AGBL1: variants seen among roughly 807,000 people sequenced by gnomAD.
The protein encoded by AGBL1 is AGBL carboxypeptidase 1.
A neutral mutation model predicts 118.9 loss-of-function variants in AGBL1; 130 were observed. The ratio of observed to expected loss-of-function variants is 1.09; its 90% CI spans 0.95 to 1.26. The LOEUF is 1.26. Among genes scored for constraint, AGBL1 ranks in the 50% most tolerant of loss-of-function variants. The pLI, the probability that AGBL1 is intolerant of heterozygous loss-of-function variation, is 0.00. For missense variants in AGBL1, 1,584 were observed against 1,298.1 expected, an observed-to-expected ratio of 1.22 and a Z score of -3.38; for synonymous variants, 555 against 478.9, an observed-to-expected ratio of 1.16 and a Z score of -2.08.
At chr15:86,477,447 T>C (rs1163516513) in intron 18 of AGBL1, among the ~76,000 whole-genome samples, 2 of 152,150 alleles carry the variant, frequency 1.3e-5, no homozygotes, top group African/African-American at 4.8e-5. Flanking sequence ...GAGAATACTA[T>C]AAACACCTCT....
At chr15:86,620,244 T>C (rs1326450601) in intron 21 of AGBL1, among the ~76,000 whole-genome samples, 1 of 152,174 alleles carries the variant, frequency 6.6e-6, no homozygotes, top group Non-Finnish European at 1.5e-5. Flanking sequence ...CCGGGATGTG[T>C]TTATTTTCTA....
intron 23 of AGBL1, among the ~76,000 whole-genome samples, chr15:86,952,384 ATATCT>A (rs1261508171): frequency 3.9e-5 from 6 of 152,172 alleles, no homozygotes; most frequent in Non-Finnish European, 5.9e-5. Context: ...TAAGGTCATG[ATATCT>A]TATCCAATCT....
At chr15:86,577,718 C>T (rs1014887258) in intron 21 of AGBL1, among the ~76,000 whole-genome samples, 3 of 152,136 alleles carry the variant, frequency 2.0e-5, no homozygotes, top group Non-Finnish European at 4.4e-5. Flanking sequence ...CCCAGTCACT[C>T]CAGCTGTGGC....
intron 18 of AGBL1, among the ~76,000 whole-genome samples, chr15:86,428,206 C>A (rs142516664): frequency 2.3e-3 from 354 of 152,178 alleles, no homozygotes; most frequent in Admixed American, 5.3e-3. Context: ...CAAATGAAAC[C>A]CTGGGTATTT....
chr15:86,256,602 G>T (rs750863591), intron 7 of AGBL1, among the ~76,000 whole-genome samples: 1 of 152,204 alleles, frequency 6.6e-6, no homozygotes, highest in African/African-American at 2.4e-5. Context: ...TGAATTCATT[G>T]CAGTGATGTA....
At chr15:86,440,787 C>A (rs1019419338) in intron 18 of AGBL1, among the ~76,000 whole-genome samples, 31 of 152,156 alleles carry the variant, frequency 2.0e-4, no homozygotes, top group Admixed American at 6.5e-4. Flanking sequence ...GAGCTTCCAT[C>A]AAACTCCAGA....
At chr15:86,180,403 G>A (rs143059340) in intron 5 of AGBL1, among the ~76,000 whole-genome samples, 244 of 152,166 alleles carry the variant, frequency 1.6e-3, no homozygotes, top group African/African-American at 5.5e-3. Flanking sequence ...ATTAATTTTT[G>A]GCACAGGCAA....
intron 17 of AGBL1, among the ~76,000 whole-genome samples, chr15:86,332,698 T>C (rs757507737): frequency 2.0e-5 from 3 of 150,728 alleles, no homozygotes; most frequent in Non-Finnish European, 3.0e-5. Context: ...ACATTACCAA[T>C]TGGACCTCAT....
At chr15:86,940,539 G>C (rs1412219320) in intron 23 of AGBL1, among the ~76,000 whole-genome samples, 1 of 152,128 alleles carries the variant, frequency 6.6e-6, no homozygotes, top group East Asian at 1.9e-4. Flanking sequence ...ACTTATAAGA[G>C]TGTTGAATAA....
chr15:86,941,884 T>C (rs181915595), intron 23 of AGBL1, among the ~76,000 whole-genome samples: 147 of 152,296 alleles, frequency 9.7e-4, no homozygotes, highest in African/African-American at 3.3e-3. Flanking sequence ...AGAATCTCTC[T>C]CCAGTGCCTT....
At chr15:86,990,255 C>G (rs1218632327) in intron 24 of AGBL1, among the ~76,000 whole-genome samples, 1 of 152,174 alleles carries the variant, frequency 6.6e-6, no homozygotes, top group Admixed American at 6.5e-5. Flanking sequence ...TAGCTCACAT[C>G]TATAATCCCA....
At chr15:86,572,502 A>G (rs977390646) in intron 21 of AGBL1, among the ~76,000 whole-genome samples, 1 of 152,146 alleles carries the variant, frequency 6.6e-6, no homozygotes, top group African/African-American at 2.4e-5. Context: ...GGCAGGCTCC[A>G]GGAGGCTCCC....
intron 23 of AGBL1, among the ~76,000 whole-genome samples, chr15:86,923,612 T>C (rs1180553618): frequency 6.6e-6 from 1 of 152,234 alleles, no homozygotes; most frequent in Non-Finnish European, 1.5e-5. Context: ...TGTTTATCTC[T>C]TTTGTTGTGG....
chr15:86,306,118 C>A (rs1000241854), intron 17 of AGBL1, among the ~76,000 whole-genome samples: 1 of 152,066 alleles, frequency 6.6e-6, no homozygotes, highest in African/African-American at 2.4e-5. Context: ...ACATCATGGA[C>A]AATGGGACAT....
At chr15:86,568,356 CAAG>C (rs2083948903) in intron 21 of AGBL1, among the ~76,000 whole-genome samples, 2 of 152,102 alleles carry the variant, frequency 1.3e-5, no homozygotes, top group South Asian at 2.1e-4. Flanking sequence ...GCAATGCCCC[CAAG>C]AAGATTAAGA....
At chr15:86,557,795 A>G (rs902962185) in intron 21 of AGBL1, among the ~76,000 whole-genome samples, 9 of 152,164 alleles carry the variant, frequency 5.9e-5, no homozygotes, top group South Asian at 2.1e-4. Flanking sequence ...TTAAAAATGT[A>G]TGATGGCTGA....
At chr15:86,587,077 C>A (rs933879126) in intron 21 of AGBL1, among the ~76,000 whole-genome samples, 4 of 152,168 alleles carry the variant, frequency 2.6e-5, no homozygotes, top group Non-Finnish European at 4.4e-5. Context: ...AGATTTGCAA[C>A]TGAGGCTTCT....
chr15:86,622,875 C>G (rs1156951282), intron 21 of AGBL1, among the ~76,000 whole-genome samples: 1 of 152,172 alleles, frequency 6.6e-6, no homozygotes, highest in African/African-American at 2.4e-5. Flanking sequence ...GAGCCCTGAA[C>G]TCATTTTCCT....
intron 18 of AGBL1, among the ~76,000 whole-genome samples, chr15:86,478,656 C>T (rs952620601): frequency 6.6e-6 from 1 of 152,136 alleles, no homozygotes; most frequent in African/African-American, 2.4e-5. Flanking sequence ...GGCCATACTG[C>T]CCAGGGTAAT....
Sources: gnomAD v4.1 joint callset for allele counts (sites outside exome capture counted in the v4.1 genomes callset) on GRCh38, gnomAD v4.1.1 for gene constraint, MANE v1.5 for transcripts, NCBI Gene and HGNC (gene_info 2026-07-23, HGNC 2026-07-21) for gene names.